The following NYNRIN variants were observed in gnomAD, a reference collection of about 807,000 sequenced individuals.
NYNRIN encodes NYN domain and retroviral integrase containing, also known as protein NYNRIN.
In NYNRIN, 86 loss-of-function variants were observed where a neutral mutation model predicts 146.6. The ratio of observed to expected loss-of-function variants is 0.59; its 90% CI spans 0.49 to 0.70. The LOEUF is 0.70. Among genes scored for constraint, NYNRIN ranks in the 30% least tolerant of loss-of-function variants. NYNRIN has a pLI of 0.00. For missense variants in NYNRIN, 2,191 were observed against 2,377.7 expected, an observed-to-expected ratio of 0.92 and a Z score of 1.63; for synonymous variants, 1,027 against 1,001.3, an observed-to-expected ratio of 1.03 and a Z score of -0.48.
At position 24,411,356 on chromosome 14, in the gene NYNRIN, A is replaced by G; in HGVS notation, c.2548A>G (p.Ser850Gly). 6.2e-7 allele frequency: 1 copy of G among 1,613,856 alleles called. No homozygotes were observed. The highest frequency in any genetic ancestry group is 8.5e-7 in the Non-Finnish European group (1 of 1,179,854). The change falls in exon 6 of 9, where the codon AGC (serine) becomes GGC (glycine). Residue 850 changes from serine (S) to glycine (G), a missense_variant and splice_region_variant. Ser to Gly is a moderately conservative substitution (Grantham distance 56, BLOSUM62 0). Around this residue, in one of 3 missense-constraint regions of NYNRIN, gnomAD observed 1,291 missense variants for 1,417.0 expected, o/e 0.91. Coordinates refer to ENST00000382554, the MANE Select transcript of NYNRIN (RefSeq NM_025081.3). The surrounding 1 kb of genome is among the most constrained non-coding windows in gnomAD (Gnocchi z 4.3). ...TGTCTTCTGCCTTTCACCCCCAGAG[A>G]GCCACTTTCTGACGAAGCTACACTC... ...QLKKNRRVRE[S>G]HFLTKLHSLK... is the part of the protein sequence containing the mutation.
intron 2 of NYNRIN, among the ~76,000 whole-genome samples, chr14:24,402,672 G>A (rs2042852063): frequency 6.6e-6 from 1 of 152,146 alleles, no homozygotes; most frequent in Non-Finnish European, 1.5e-5. Flanking sequence ...AGCCATGGTG[G>A]GAGTATTTAT....
At position 24,409,472 on chromosome 14, in the gene NYNRIN, AG is replaced by A; in HGVS notation, c.1679del (p.Arg560LysfsTer16). On this transcript the variant is annotated frameshift_variant, in exon 4 of 9. Coordinates refer to ENST00000382554, the MANE Select transcript of NYNRIN (RefSeq NM_025081.3). LOFTEE classifies it high-confidence loss of function. ...AGTGCCCAAAGCTGAAAATCCCTCC[AG>A]AACTCAAGTGCCATCTGCAGCTCCC... ...AAVPKAENPS[R>X]TQVPSAAPKL... 1 of 1,613,972 alleles carries A rather than the reference AG, an allele frequency of 6.2e-7. No individual in the cohort carries two copies. Among genetic ancestry groups the A allele is most frequent in the Non-Finnish European group, 8.5e-7 (1 of 1,179,888 alleles).
Position 24,411,561 on chromosome 14 carries a change from G to A in NYNRIN, c.2642+111G>A. ...GGGGAAATGGAGGCAAACATGTTGG[G>A]GGTGTCGGTTGTGCAGAGGGTGGGG... is the stretch of plus-strand genomic sequence containing the variant. On this transcript the variant is annotated intron_variant, in intron 6 of 8. Transcript: ENST00000382554. This position sits in a 1 kb window ranked among gnomAD's most constrained non-coding sequence, Gnocchi z 4.3. 2.1e-6 allele frequency: 2 copies of A among 931,754 alleles called. No individual in the cohort carries two copies. Among genetic ancestry groups the A allele is most frequent in the Non-Finnish European group, 3.4e-6 (2 of 585,532 alleles). The allele number at this position is 931,754 out of a possible 1,614,324, so 57.7% of individuals were successfully genotyped here.
In NYNRIN at chr14:24,408,444, A is replaced by G; in HGVS notation, c.774A>G (p.Ser258=). ...TCCAGAACAGGGGCCCAGAAAATTCAAAGAGATTATCTAGCCTGGGAGCCA... is the reference window on the plus strand; with the variant it reads ...TCCAGAACAGGGGCCCAGAAAATTCGAAGAGATTATCTAGCCTGGGAGCCA... The part of the protein sequence containing the change: ...GTLQNRGPEN[S]KRLSSLGATG... The change falls in exon 3 of 9, where the codon TCA becomes TCG. Residue 258 remains serine, a synonymous_variant. Transcript: ENST00000382554. 2 of 1,612,932 alleles carry G rather than the reference A, an allele frequency of 1.2e-6. No individual in the cohort carries two copies. The highest frequency in any genetic ancestry group is 1.7e-6 in the Non-Finnish European group (2 of 1,179,468).
intron 2 of NYNRIN, among the ~76,000 whole-genome samples, chr14:24,401,112 C>G (rs1162641733): frequency 6.6e-6 from 1 of 152,122 alleles, no homozygotes; most frequent in Non-Finnish European, 1.5e-5. Flanking sequence ...TCGGAGGTAC[C>G]CCCGCCACCC....
At chr14:24,399,534 C>T in intron 2 of NYNRIN, 90 bp downstream of exon 2, 1 of 1,183,872 alleles carries the variant, frequency 8.4e-7, no homozygotes. Context: ...GCAGAGACAC[C>T]ACCCACCCTG....
rs1594741200 is a variant in NYNRIN at position 24,411,289 on chromosome 14, C to T, written c.2546-65C>T. The stretch of plus-strand genomic sequence containing the variant: ...CCTTGCTGCCCCGACCCTCTGCCAC[C>T]CCAGAGTGGCCATTTCCACTTAGCC... On this transcript the variant is annotated intron_variant, in intron 5 of 8. Transcript: ENST00000382554. The surrounding 1 kb of genome is among the most constrained non-coding windows in gnomAD (Gnocchi z 4.3). The T allele has an allele frequency of 1.2e-6, 2 of 1,609,854 alleles. No homozygotes were observed. Among genetic ancestry groups the T allele is most frequent in the Admixed American group, 1.7e-5 (1 of 59,988 alleles).
Position 24,415,393 on chromosome 14 carries a change from C to A in NYNRIN, c.3644C>A (p.Ala1215Asp). ...GACAGCCCCTATGCTGTGGCCTGGGCCCTCAAGCATTTTTCCCGCTGCATT... is the reference window on the plus strand; with the variant it reads ...GACAGCCCCTATGCTGTGGCCTGGGACCTCAAGCATTTTTCCCGCTGCATT... ...GGDSPYAVAW[A>D]LKHFSRCIGD... The change falls in exon 9 of 9, where the codon GCC (alanine) becomes GAC (aspartate). Residue 1215 changes from alanine to aspartate, a missense_variant. Ala to Asp is a moderately radical substitution (Grantham distance 126). This residue lies in a region of NYNRIN where 1,291 missense variants were observed against 1,417.0 expected (regional missense o/e 0.91). Transcript: ENST00000382554. The A allele has an allele frequency of 6.2e-7, 1 of 1,613,966 alleles. No homozygotes were observed. Among genetic ancestry groups the A allele is most frequent in the Non-Finnish European group, 8.5e-7 (1 of 1,179,876 alleles).
Position 24,399,432 on chromosome 14 carries a change from G to A in NYNRIN, c.186G>A (p.Met62Ile), listed in dbSNP as rs187697702. 1 of 1,611,754 alleles carries A rather than the reference G, an allele frequency of 6.2e-7. No individual in the cohort carries two copies. The highest frequency in any genetic ancestry group is 2.2e-5 in the East Asian group (1 of 44,742). Residue 62 changes from methionine to isoleucine, a missense_variant, in exon 2 of 9, where the codon ATG (methionine) becomes ATA (isoleucine). Met to Ile is a conservative substitution (Grantham distance 10). Transcript: ENST00000382554. ...AGCTCGAGGGGCCCCGAGAGAACAT[G>A]GGCAAAGCCAAGGTAAACAGCTTCT... ...WLQLEGPRENMGKAKEYLKGL... is the reference protein window; with the variant it reads ...WLQLEGPRENIGKAKEYLKGL...
chr14:24,406,504 T>G (rs1161033804), intron 2 of NYNRIN, among the ~76,000 whole-genome samples: 1 of 152,156 alleles, frequency 6.6e-6, no homozygotes, highest in East Asian at 1.9e-4. Flanking sequence ...GTCCATCAGG[T>G]TTTGAGCTGG....
chr14:24,407,769 C>A, intron 2 of NYNRIN, 100 bp from the exon 3 acceptor site: 3 of 1,139,208 alleles, frequency 2.6e-6, no homozygotes, highest in Non-Finnish European at 3.7e-6. Flanking sequence ...GTGGTGGGGC[C>A]ACATGGTTAG....
At position 24,413,374 on chromosome 14, in the gene NYNRIN, C is replaced by T. The variant is rs774532184; in HGVS notation, c.2803C>T (p.Arg935Cys). The part of the protein sequence containing the change: ...LFMVPDDPLG[R>C]DGPTLDEFLK... ...CATGGTGCCTGATGACCCCCTGGGCCGTGATGGCCCCACCTTGGATGAGTT... is the reference window on the plus strand; with the variant it reads ...CATGGTGCCTGATGACCCCCTGGGCTGTGATGGCCCCACCTTGGATGAGTT... The change falls in exon 8 of 9, where the codon CGT becomes TGT. Residue 935 changes from arginine (R) to cysteine (C), a missense_variant. Transcript: ENST00000382554. 24 of 1,613,254 alleles carry T rather than the reference C, an allele frequency of 1.5e-5. No individual in the cohort carries two copies. The highest frequency in any genetic ancestry group is 4.2e-6 in the Non-Finnish European group (5 of 1,179,670).
Position 24,399,093 on chromosome 14 carries a change from C to G in NYNRIN, c.-18+7C>G, listed in dbSNP as rs2139338939. 2.9e-6 allele frequency: 2 copies of G among 690,574 alleles called. No homozygotes were observed. The highest frequency in any genetic ancestry group is 4.6e-6 in the Non-Finnish European group (2 of 432,680). 42.8% of individuals were successfully genotyped at this position (690,574 alleles called of 1,614,324 possible). On this transcript the variant is annotated splice_region_variant and intron_variant, in intron 1 of 8. Transcript: ENST00000382554. ...GGCGCCCGAGCCGTGCGGGGTGGGT[C>G]CCGCCGCCTGGAGGAAGGAGGCCGT...
rs1448517842 is a variant in NYNRIN at position 24,415,659 on chromosome 14, C to T, written c.3910C>T (p.Leu1304=). The T allele has an allele frequency of 6.2e-7, 1 of 1,614,046 alleles. No homozygotes were observed. The highest frequency in any genetic ancestry group is 8.5e-7 in the Non-Finnish European group (1 of 1,179,904). The change falls in exon 9 of 9, where the codon CTG becomes TTG. Residue 1304 remains leucine, a synonymous_variant. Coordinates refer to ENST00000382554, the MANE Select transcript of NYNRIN (RefSeq NM_025081.3). ...FFQVLPPFSD[L]STFVCIHMSG... Reference sequence around the variant, plus strand: ...CCAGGTTCTGCCGCCTTTCTCTGACCTGTCCACGTTCGTCTGCATCCACAT... The same window carrying T: ...CCAGGTTCTGCCGCCTTTCTCTGACTTGTCCACGTTCGTCTGCATCCACAT...
rs1168166660 is a variant in NYNRIN at position 24,408,119 on chromosome 14, C to T, written c.449C>T (p.Thr150Ile). 2 of 1,609,956 alleles carry T rather than the reference C, an allele frequency of 1.2e-6. No individual in the cohort carries two copies. The highest frequency in any genetic ancestry group is 1.1e-5 in the South Asian group (1 of 90,870). ...RLRWGPAPLL[T>I]PRGIWEAEVT... ...CGCTGGGGCCCTGCCCCTCTGCTGA[C>T]CCCCCGGGGGATCTGGGAGGCTGAG... is the stretch of plus-strand genomic sequence containing the variant. Residue 150 changes from threonine (T) to isoleucine (I), a missense_variant, in exon 3 of 9, where the codon ACC becomes ATC. Thr to Ile is a moderately conservative substitution (Grantham distance 89). Around this residue, in one of 3 missense-constraint regions of NYNRIN, gnomAD observed 895 missense variants for 941.2 expected, o/e 0.95. Coordinates refer to ENST00000382554, the MANE Select transcript of NYNRIN (RefSeq NM_025081.3).
intron 2 of NYNRIN, among the ~76,000 whole-genome samples, chr14:24,405,843 T>A (rs2042872356): frequency 6.6e-6 from 1 of 152,206 alleles, no homozygotes. Flanking sequence ...TTAAAAATTA[T>A]CACAGTTCCT....
rs2042890393 is a variant in NYNRIN, at chr14:24,408,531, A to G, written c.857+4A>G. 2 of 1,559,028 alleles carry G rather than the reference A, an allele frequency of 1.3e-6. No individual in the cohort carries two copies. The highest frequency in any genetic ancestry group is 2.5e-5 in the South Asian group (2 of 81,288). On this transcript the variant is annotated splice_donor_region_variant and intron_variant, in intron 3 of 8. Transcript: ENST00000382554. ...AGGCAGCAAACCAGCTGGTACGGTA[A>G]GTTCTGGAGAATGAGCCTGGCTTCT...
At position 24,409,680 on chromosome 14, in the gene NYNRIN, A is replaced by G; in HGVS notation, c.1886A>G (p.Lys629Arg). 1 of 1,606,286 alleles carries G rather than the reference A, an allele frequency of 6.2e-7. No individual in the cohort carries two copies. Among genetic ancestry groups the G allele is most frequent in the Non-Finnish European group, 8.5e-7 (1 of 1,176,292 alleles). The change falls in exon 4 of 9, where the codon AAG (lysine) becomes AGG (arginine). Residue 629 changes from lysine to arginine, a missense_variant. This residue lies in a region of NYNRIN where 895 missense variants were observed against 941.2 expected (regional missense o/e 0.95). Transcript: ENST00000382554. ...ACTCCAAAAACTCCCCAGGCTCAGA[A>G]GATGCCTGTAGCAAAAACATCACCT... is the stretch of plus-strand genomic sequence containing the variant. ...PTTPKTPQAQ[K>R]MPVAKTSPAG...
Position 24,411,567 on chromosome 14 carries a change from C to T in NYNRIN, c.2642+117C>T, listed in dbSNP as rs759469966. On this transcript the variant is annotated intron_variant, in intron 6 of 8. Coordinates refer to ENST00000382554, the MANE Select transcript of NYNRIN (RefSeq NM_025081.3). The surrounding 1 kb of genome is among the most constrained non-coding windows in gnomAD (Gnocchi z 4.3). The stretch of plus-strand genomic sequence containing the variant: ...ATGGAGGCAAACATGTTGGGGGTGT[C>T]GGTTGTGCAGAGGGTGGGGTGGAGC... 89 of 882,084 alleles carry T rather than the reference C, an allele frequency of 1.0e-4. No homozygotes were observed. Among genetic ancestry groups the T allele is most frequent in the Non-Finnish European group, 1.5e-4 (82 of 544,784 alleles). The allele number at this position is 882,084 out of a possible 1,614,324, so 54.6% of individuals were successfully genotyped here.
Sources: allele counts gnomAD v4.1 joint callset (sites outside exome capture counted in the v4.1 genomes callset), GRCh38; gene constraint gnomAD v4.1.1; regional missense constraint gnomAD v4.1.1; non-coding constraint Gnocchi (gnomAD v3.1); transcripts MANE v1.5; gene names NCBI Gene and HGNC (gene_info 2026-07-23, HGNC 2026-07-21).